DCBLD1: variants seen among roughly 807,000 people sequenced by gnomAD.
The protein encoded by DCBLD1 is discoidin, CUB and LCCL domain-containing protein 1.
DCBLD1 carries 57 observed loss-of-function variants against 71.5 expected under a neutral mutation model. That is an observed-to-expected ratio of 0.80 (90% confidence interval 0.64 to 0.99). The LOEUF is 0.99. Ranked by LOEUF, DCBLD1 falls within the 50% of genes least tolerant of loss-of-function variation. DCBLD1 has a pLI of 0.00. For synonymous variants in DCBLD1, 380 were observed against 363.8 expected (o/e 1.04, Z -0.51); for missense variants, 891 against 923.5 (o/e 0.96, Z 0.46).
chr6:117,519,501 ATTTTCT>A (rs1281655387), intron 2 of DCBLD1, among the ~76,000 whole-genome samples: 1 of 152,166 alleles, frequency 6.6e-6, no homozygotes, highest in Non-Finnish European at 1.5e-5. Flanking sequence ...TTGTAATAAA[ATTTTCT>A]TTACTACCTA....
At chr6:117,566,805 A>G in intron 14 of DCBLD1, 2 of 1,238,996 alleles carry the variant, frequency 1.6e-6, no homozygotes, top group Non-Finnish European at 2.2e-6. Flanking sequence ...CATTTTAAAC[A>G]TTTAATAATA....
chr6:117,535,938 A>T (rs1325042332), intron 6 of DCBLD1, among the ~76,000 whole-genome samples: 1 of 152,170 alleles, frequency 6.6e-6, no homozygotes, highest in South Asian at 2.1e-4. Flanking sequence ...TTTCTCATGT[A>T]AGTAATGATT....
intron 14 of DCBLD1, among the ~76,000 whole-genome samples, chr6:117,568,140 C>T (rs1583050983): frequency 6.6e-6 from 1 of 151,876 alleles, no homozygotes; most frequent in South Asian, 2.1e-4. Context: ...GTTGAGGCTG[C>T]AGTGGTCCGT....
intron 1 of DCBLD1, among the ~76,000 whole-genome samples, chr6:117,483,707 T>A (rs1038213388): frequency 6.6e-6 from 1 of 151,836 alleles, no homozygotes; most frequent in African/African-American, 2.4e-5. Context: ...AGTGCTTTTT[T>A]TTTTTTAATA....
intron 3 of DCBLD1, among the ~76,000 whole-genome samples, chr6:117,520,955 G>T (rs889254889): frequency 6.6e-6 from 1 of 152,198 alleles, no homozygotes; most frequent in African/African-American, 2.4e-5. Flanking sequence ...ATGCATCAAG[G>T]TCCACTGTAT....
intron 2 of DCBLD1, among the ~76,000 whole-genome samples, chr6:117,510,598 A>G (rs891997994): frequency 6.6e-6 from 1 of 152,142 alleles, no homozygotes; most frequent in East Asian, 1.9e-4. Flanking sequence ...TTATTCACCT[A>G]ATATTTAGCA....
intron 1 of DCBLD1, 97 bp downstream of exon 1, chr6:117,482,990 G>T: frequency 1.3e-6 from 1 of 779,308 alleles, no homozygotes; most frequent in Non-Finnish European, 1.6e-6. Context: ...GCTACGGGGC[G>T]GGCCGGGCCT....
intron 1 of DCBLD1, among the ~76,000 whole-genome samples, chr6:117,483,342 C>T (rs1320451659): frequency 6.6e-6 from 1 of 152,220 alleles, no homozygotes; most frequent in Non-Finnish European, 1.5e-5. Context: ...GGGCCCTGCC[C>T]TCCCTGCCGT....
At position 117,537,240 on chromosome 6, in the gene DCBLD1, T is replaced by G; in HGVS notation, c.760+15T>G. The G allele has an allele frequency of 8.1e-6, 13 of 1,613,550 alleles. No individual in the cohort carries two copies. Among genetic ancestry groups the G allele is most frequent in the African/African-American group, 1.3e-5 (1 of 75,030 alleles). ...TACCTCCAATGGTAAGGATCATGCT[T>G]TCCTTAAGAATTTGATATTTTCGGT... On this transcript the variant is annotated intron_variant, in intron 7 of 14. Coordinates refer to ENST00000338728, the MANE Select transcript of DCBLD1 (RefSeq NM_001366458.2).
intron 5 of DCBLD1, among the ~76,000 whole-genome samples, chr6:117,531,176 A>G (rs917794122): frequency 6.6e-6 from 1 of 152,208 alleles, no homozygotes; most frequent in Non-Finnish European, 1.5e-5. Context: ...GAACTTTTCC[A>G]TTGTAAATAA....
intron 5 of DCBLD1, among the ~76,000 whole-genome samples, chr6:117,525,652 GA>G (rs1489477162): frequency 6.6e-6 from 1 of 152,120 alleles, no homozygotes; most frequent in Middle Eastern, 3.2e-3. Context: ...TAAATGAAAT[GA>G]AAAAACTTTG....
chr6:117,563,397 A>AG (rs1325186264), intron 14 of DCBLD1: 5 of 1,611,690 alleles, frequency 3.1e-6, no homozygotes, highest in South Asian at 1.1e-5. Context: ...GAAAGAAAGG[A>AG]GAAAAAAAAA....
chr6:117,485,577 G>C (rs1438762416), intron 1 of DCBLD1, among the ~76,000 whole-genome samples: 1 of 152,206 alleles, frequency 6.6e-6, no homozygotes. Flanking sequence ...CATCTGGACA[G>C]CTAGCCTTGT....
At chr6:117,535,177 A>G (rs1002708878) in intron 6 of DCBLD1, among the ~76,000 whole-genome samples, 1 of 152,230 alleles carries the variant, frequency 6.6e-6, no homozygotes, top group Non-Finnish European at 1.5e-5. Flanking sequence ...GCTGAGGAAG[A>G]AGGAGTCCCT....
At chr6:117,506,969 A>C (rs553395499) in intron 2 of DCBLD1, among the ~76,000 whole-genome samples, 1 of 152,308 alleles carries the variant, frequency 6.6e-6, no homozygotes, top group East Asian at 1.9e-4. Flanking sequence ...ATCCTGCCCG[A>C]TATTTTTTAT....
chr6:117,492,746 T>C (rs1777336102), intron 1 of DCBLD1, among the ~76,000 whole-genome samples: 1 of 152,216 alleles, frequency 6.6e-6, no homozygotes, highest in Non-Finnish European at 1.5e-5. Flanking sequence ...TTATTTTTTC[T>C]CTCAACTCTC....
intron 14 of DCBLD1, chr6:117,562,786 C>A: frequency 4.8e-6 from 1 of 209,378 alleles, no homozygotes; most frequent in South Asian, 1.9e-4. Flanking sequence ...TTAAGTCAAG[C>A]CTATATTTCT....
chr6:117,541,083 T>C, intron 11 of DCBLD1, 58 bp downstream of exon 11: 1 of 1,537,188 alleles, frequency 6.5e-7, no homozygotes, highest in Non-Finnish European at 8.9e-7. Context: ...CCACCCAATA[T>C]CAGTAACTTC....
At chr6:117,511,873 G>A (rs1778034702) in intron 2 of DCBLD1, among the ~76,000 whole-genome samples, 1 of 152,144 alleles carries the variant, frequency 6.6e-6, no homozygotes, top group Non-Finnish European at 1.5e-5. Context: ...GTTTTGGGCT[G>A]CAGACACCCT....
Sources: allele counts gnomAD v4.1 joint callset (sites outside exome capture counted in the v4.1 genomes callset), GRCh38; gene constraint gnomAD v4.1.1; transcripts MANE v1.5; gene names NCBI Gene and HGNC (gene_info 2026-07-23, HGNC 2026-07-21).